PPEF2: variants seen among roughly 807,000 people sequenced by gnomAD.
PPEF2 encodes protein phosphatase with EF-hand domain 2.
PPEF2 carries 84 observed loss-of-function variants against 84.7 expected under a neutral mutation model. That is an observed-to-expected ratio of 0.99 (90% CI 0.83 to 1.19). The LOEUF (loss-of-function observed/expected upper bound fraction) is 1.19, where lower values mean the gene tolerates loss of function less well. Ranked by LOEUF, PPEF2 falls within the 50% of genes most tolerant of loss-of-function variation. PPEF2 has a pLI of 0.00. For missense variants in PPEF2, 924 were observed against 937.5 expected, an observed-to-expected ratio of 0.99 and a Z score of 0.19; for synonymous variants, 346 against 345.2, an observed-to-expected ratio of 1.00 and a Z score of -0.03.
chr4:75,895,342 T>A (rs1319533968), intron 2 of PPEF2, among the ~76,000 whole-genome samples: 1 of 151,716 alleles, frequency 6.6e-6, no homozygotes, highest in Non-Finnish European at 1.5e-5. Flanking sequence ...GGCAGGAGAA[T>A]CGCTTGAACC....
chr4:75,895,127 A>ATTTT (rs34515110), intron 2 of PPEF2, among the ~76,000 whole-genome samples: 1,612 of 129,220 alleles, frequency 0.012, 29 homozygotes, highest in Non-Finnish European at 0.017. Flanking sequence ...CAGCTAATTA[A>ATTTT]TTTTTTTTTT....
At chr4:75,865,092 A>G (rs1724095139) in intron 15 of PPEF2, among the ~76,000 whole-genome samples, 1 of 151,870 alleles carries the variant, frequency 6.6e-6, no homozygotes, top group South Asian at 2.1e-4. Context: ...ATGCACCACC[A>G]TGCCCGGCTA....
chr4:75,867,638 G>C (rs1018618372), intron 13 of PPEF2, among the ~76,000 whole-genome samples: 4 of 152,162 alleles, frequency 2.6e-5, no homozygotes, highest in Admixed American at 6.5e-5. Flanking sequence ...TAGAGAAGAA[G>C]TTCTGGAGAA....
At position 75,882,952 on chromosome 4, in the gene PPEF2, G is replaced by C; in HGVS notation, c.907C>G (p.Leu303Val). 6.2e-7 allele frequency: 1 copy of C among 1,613,540 alleles called. No individual in the cohort carries two copies. The highest frequency in any genetic ancestry group is 1.1e-5 in the South Asian group (1 of 90,916). The stretch of plus-strand genomic sequence containing the variant: ...TTGCTCCTCTCTATTTTGTCCAAAA[G>C]CTCCAGATCAGTTATGTCTGACACC... ...GGVSDITDLE[L>V]LDKIERSKIV... is the part of the protein sequence containing the mutation. The change falls in exon 10 of 17, where the codon CTT (leucine) becomes GTT (valine). Residue 303 changes from leucine to valine, a missense_variant. Transcript: ENST00000286719.
chr4:75,867,331 G>T lies in PPEF2; in HGVS notation c.1738C>A (p.His580Asn). ...SSDLLSEFKK[H>N]DADKVGLITL... The stretch of plus-strand genomic sequence containing the variant: ...TTCTTACCGACTTTATCTGCATCAT[G>T]CTTCTTAAATTCACTGAGAAGATCT... Residue 580 changes from histidine to asparagine, a missense_variant, in exon 14 of 17, where the codon CAT (histidine) becomes AAT (asparagine). His to Asn is a moderately conservative substitution (Grantham distance 68). Transcript: ENST00000286719. The T allele has an allele frequency of 1.2e-6, 2 of 1,613,178 alleles. No homozygotes were observed. Among genetic ancestry groups the T allele is most frequent in the Middle Eastern group, 3.3e-4 (2 of 6,056 alleles).
intron 5 of PPEF2, 44 bp from the exon 6 acceptor site, chr4:75,888,372 T>C (rs1439173190): frequency 7.0e-7 from 1 of 1,432,208 alleles, no homozygotes; most frequent in Non-Finnish European, 9.8e-7. Flanking sequence ...AACACTGATA[T>C]TCGTGAGGGA....
intron 5 of PPEF2, among the ~76,000 whole-genome samples, chr4:75,888,631 T>C (rs2149225948): frequency 6.6e-6 from 1 of 152,348 alleles, no homozygotes; most frequent in Non-Finnish European, 1.5e-5. Context: ...TTCAGTAAAG[T>C]ATGACTAAGT....
intron 11 of PPEF2, among the ~76,000 whole-genome samples, chr4:75,875,203 C>T (rs1489023270): frequency 6.6e-6 from 1 of 152,134 alleles, no homozygotes; most frequent in Non-Finnish European, 1.5e-5. Context: ...CTGCGCCCGG[C>T]TGAATTCATT....
intron 4 of PPEF2, 132 bp from the exon 5 acceptor site, chr4:75,890,264 T>C: frequency 2.1e-6 from 2 of 942,798 alleles, no homozygotes; most frequent in South Asian, 3.4e-5. Context: ...GGAGGGAGGA[T>C]TGCTTGAGCC....
At position 75,865,228 on chromosome 4, in the gene PPEF2, C is replaced by T. The variant is rs1000770947; in HGVS notation, c.1921-701G>A. ...CTGGGATTACAAGCATGAGCCACCG[C>T]GCCTGGTTGCCTGAAGGTAATTTTA... is the stretch of plus-strand genomic sequence containing the variant. On this transcript the variant is annotated intron_variant, in intron 15 of 16. Coordinates refer to ENST00000286719, the MANE Select transcript of PPEF2 (RefSeq NM_006239.3). Among the ~76,000 whole-genome samples the T allele has an allele frequency of 1.6e-4, 24 of 152,194 alleles. No homozygotes were observed. In the East Asian group the frequency reaches 3.1e-3, roughly 20 times the overall value.
intron 11 of PPEF2, 101 bp from the exon 12 acceptor site, chr4:75,873,413 A>G (rs572522533): frequency 9.0e-7 from 1 of 1,106,530 alleles, no homozygotes; most frequent in South Asian, 1.6e-5. Context: ...ATTTGAATAA[A>G]AATAAGTGAA....
rs1257924210 is a variant in PPEF2 at position 75,876,557 on chromosome 4, T to G, written c.1050A>C (p.Glu350Asp). 1 of 1,614,088 alleles carries G rather than the reference T, an allele frequency of 6.2e-7. No homozygotes were observed. Among genetic ancestry groups the G allele is most frequent in the East Asian group, 2.2e-5 (1 of 44,864 alleles). Residue 350 changes from glutamate (E) to aspartate (D), a missense_variant, in exon 11 of 17, where the codon GAA becomes GAC. Physicochemically the swap from Glu to Asp is conservative, Grantham distance 45. Transcript: ENST00000286719. ...AQGPIPWFLPESRSLPSSPLR... is the reference protein window; with the variant it reads ...AQGPIPWFLPDSRSLPSSPLR... ...GGGGCGAAGAGGGAAGAGAGCGGCT[T>G]TCGGGGAGAAACCATGGGATGGGTC...
At chr4:75,886,129 T>C (rs1411712598) in intron 7 of PPEF2, among the ~76,000 whole-genome samples, 1 of 152,216 alleles carries the variant, frequency 6.6e-6, no homozygotes, top group Non-Finnish European at 1.5e-5. Context: ...GTGTATGTGC[T>C]TGGCTAAGGA....
At chr4:75,883,779 C>T (rs1339066791) in intron 8 of PPEF2, among the ~76,000 whole-genome samples, 1 of 132,210 alleles carries the variant, frequency 7.6e-6, no homozygotes, top group Non-Finnish European at 1.5e-5. Flanking sequence ...GATCGCACCA[C>T]TGCACTCCAG....
chr4:75,884,127 T>C (rs1043862986), intron 8 of PPEF2, among the ~76,000 whole-genome samples: 1 of 150,908 alleles, frequency 6.6e-6, no homozygotes, highest in African/African-American at 2.4e-5. Context: ...TGAAACTCCA[T>C]CTCAAAAAAA....
At chr4:75,897,008 C>T (rs932000336) in intron 1 of PPEF2, among the ~76,000 whole-genome samples, 10 of 152,100 alleles carry the variant, frequency 6.6e-5, no homozygotes, top group African/African-American at 1.4e-4. Flanking sequence ...CCCTCAGCCT[C>T]CCGGTTAATT....
intron 16 of PPEF2, among the ~76,000 whole-genome samples, chr4:75,863,917 G>A (rs1436915252): frequency 1.3e-5 from 2 of 150,148 alleles, no homozygotes; most frequent in South Asian, 4.2e-4. Flanking sequence ...CTGTCGCCGA[G>A]GCTGGAGTCC....
At position 75,889,949 on chromosome 4, in the gene PPEF2, G is replaced by A; in HGVS notation, c.417+8C>T. Reference sequence around the variant, plus strand: ...TGGTAGTGACCCAGGTTCCCCAGGTGAGCTTACTTGTTTCAGTCTGAATGC... The same window carrying A: ...TGGTAGTGACCCAGGTTCCCCAGGTAAGCTTACTTGTTTCAGTCTGAATGC... On this transcript the variant is annotated splice_region_variant and intron_variant, in intron 5 of 16. Transcript: ENST00000286719. 6.2e-7 allele frequency: 1 copy of A among 1,613,938 alleles called. No individual in the cohort carries two copies.
At chr4:75,886,977 AC>A in intron 6 of PPEF2, 79 bp from the exon 7 acceptor site, 2 of 760,312 alleles carry the variant, frequency 2.6e-6, no homozygotes, top group East Asian at 2.7e-5. Flanking sequence ...GAAAGAAAAT[AC>A]CCAGAAGAAT....
Sources: allele counts gnomAD v4.1 joint callset (sites outside exome capture counted in the v4.1 genomes callset), GRCh38; gene constraint gnomAD v4.1.1; transcripts MANE v1.5; gene names NCBI Gene and HGNC (gene_info 2026-07-23, HGNC 2026-07-21).